DSP: variants seen among roughly 807,000 people sequenced by gnomAD.
DSP encodes the protein 250/210 kDa paraneoplastic pemphigus antigen.
In DSP, 114 loss-of-function variants were observed where a neutral mutation model predicts 290.6. The observed-to-expected ratio is 0.39, with a 90% CI of 0.34 to 0.46. The LOEUF (loss-of-function observed/expected upper bound fraction) is 0.46. Ranked by LOEUF, DSP falls within the 20% of genes least tolerant of loss-of-function variation. The probability of loss-of-function intolerance (pLI) is 0.99; values close to 1 mark genes in which losing one functional copy is unlikely to be tolerated. For synonymous variants in DSP, 1,311 were observed against 1,316.4 expected (o/e 1.00, Z 0.09); for missense variants, 3,230 against 3,495.8 (o/e 0.92, Z 1.92).
chr6:7,551,660 C>G (rs890895831), intron 1 of DSP, among the ~76,000 whole-genome samples: 2 of 151,946 alleles, frequency 1.3e-5, no homozygotes, highest in Admixed American at 1.3e-4. Context: ...TTTCCTGAAG[C>G]AAGCTCTCCT....
chr6:7,545,496 T>G (rs1758147179), intron 1 of DSP, among the ~76,000 whole-genome samples: 3 of 152,228 alleles, frequency 2.0e-5, no homozygotes, highest in Admixed American at 2.0e-4. Context: ...TGGACAGGCC[T>G]GTAATTACAC....
chr6:7,584,271 ACTGGGTATAATGATC>A lies in DSP; in HGVS notation c.7013_7027del (p.Gly2338_Pro2342del). The A allele has an allele frequency of 6.2e-7, 1 of 1,614,196 alleles. No individual in the cohort carries two copies. Among genetic ancestry groups the A allele is most frequent in the Non-Finnish European group, 8.5e-7 (1 of 1,180,034 alleles). ...GCTCCTGTCTGCAGAACGAGCTGTC[ACTGGGTATAATGATC>A]CTGAAACAGGAAACATCATCTCTTT... On this transcript the variant is annotated inframe_deletion, in exon 24 of 24. Transcript: ENST00000379802. The surrounding 1 kb of genome is among the most constrained non-coding windows in gnomAD (Gnocchi z 6.4).
At position 7,574,239 on chromosome 6, in the gene DSP, G is replaced by A; in HGVS notation, c.2284G>A (p.Gly762Ser). ...KLENINGVTD[G>S]YLNSLCTVRA... ...GGAAAATATCAATGGTGTTACAGAT[G>A]GCTACTTAAATAGGTAAACTCAGCT... Residue 762 changes from glycine to serine, a missense_variant, in exon 16 of 24, where the codon GGC becomes AGC. By Grantham distance (56) the Gly-to-Ser change is moderately conservative. This residue lies in a region of DSP where 1,714 missense variants were observed against 1,844.5 expected (regional missense o/e 0.93). Coordinates refer to ENST00000379802, the MANE Select transcript of DSP (RefSeq NM_004415.4). 1 of 1,613,688 alleles carries A rather than the reference G, an allele frequency of 6.2e-7. No individual in the cohort carries two copies. The highest frequency in any genetic ancestry group is 8.5e-7 in the Non-Finnish European group (1 of 1,179,890).
chr6:7,578,550 G>A lies in DSP; in HGVS notation c.3072G>A (p.Leu1024=). Residue 1024 remains leucine, a synonymous_variant, in exon 22 of 24, where the codon TTG becomes TTA. Coordinates refer to ENST00000379802, the MANE Select transcript of DSP (RefSeq NM_004415.4). ...TCTTAAGTGAGATGCTGAAGAGTTT[G>A]GAAGATCTGAAGGTAATTTATACTG... ...YRFLSEMLKS[L]EDLKLKNTKI... is the part of the protein sequence containing the mutation. 1 of 1,613,342 alleles carries A rather than the reference G, an allele frequency of 6.2e-7. No homozygotes were observed. The highest frequency in any genetic ancestry group is 8.5e-7 in the Non-Finnish European group (1 of 1,179,474).
rs397516952 is a variant in DSP at position 7,583,839 on chromosome 6, G to A, written c.6577G>A (p.Glu2193Lys). 2.5e-6 allele frequency: 4 copies of A among 1,614,022 alleles called. No individual in the cohort carries two copies. The highest frequency in any genetic ancestry group is 4.5e-5 in the East Asian group (2 of 44,876). The change falls in exon 24 of 24, where the codon GAA becomes AAA. Residue 2193 changes from glutamate (E) to lysine (K), a missense_variant. By Grantham distance (56) the Glu-to-Lys change is moderately conservative. Around this residue, in one of 5 missense-constraint regions of DSP, gnomAD observed 1,714 missense variants for 1,844.5 expected, o/e 0.93. Transcript: ENST00000379802. This position sits in a 1 kb window ranked among gnomAD's most constrained non-coding sequence, Gnocchi z 4.0. ...YVQLKERCRI[E>K]PHTGLLLLSV... is the part of the protein sequence containing the mutation. ...GCAGCTGAAGGAACGGTGCAGAATC[G>A]AACCACATACTGGTCTGCTCTTGCT...
rs1218514639 is a variant in DSP at position 7,580,235 on chromosome 6, A to C, written c.4045A>C (p.Ser1349Arg). Residue 1349 changes from serine to arginine, a missense_variant, in exon 23 of 24, where the codon AGT becomes CGT. Physicochemically the swap from Ser to Arg is moderately radical, Grantham distance 110. Coordinates refer to ENST00000379802, the MANE Select transcript of DSP (RefSeq NM_004415.4). This position sits in a 1 kb window ranked among gnomAD's most constrained non-coding sequence, Gnocchi z 4.2. ...KRRWEYENEL[S>R]KVRNNYDEEI... ...CCGCTGGGAATATGAAAATGAACTG[A>C]GTAAGGTAAGAAACAATTATGATGA... 1.2e-6 allele frequency: 2 copies of C among 1,614,092 alleles called. No homozygotes were observed. Among genetic ancestry groups the C allele is most frequent in the African/African-American group, 1.3e-5 (1 of 75,028 alleles).
At position 7,580,750 on chromosome 6, in the gene DSP, T is replaced by A; in HGVS notation, c.4560T>A (p.Ser1520Arg). 1.2e-6 allele frequency: 2 copies of A among 1,614,056 alleles called. No homozygotes were observed. Among genetic ancestry groups the A allele is most frequent in the Non-Finnish European group, 8.5e-7 (1 of 1,180,014 alleles). ...VQYDLQKANS[S>R]ATETINKLKV... ...ATGACCTGCAGAAAGCAAACAGTAG[T>A]GCGACGGAGACAATAAACAAACTGA... Residue 1520 changes from serine (S) to arginine (R), a missense_variant, in exon 23 of 24, where the codon AGT becomes AGA. Ser to Arg is a moderately radical substitution (Grantham distance 110, BLOSUM62 -1). Transcript: ENST00000379802. This position sits in a 1 kb window ranked among gnomAD's most constrained non-coding sequence, Gnocchi z 4.2.
intron 1 of DSP, 52 bp downstream of exon 1, chr6:7,542,137 G>A: frequency 6.5e-7 from 1 of 1,546,948 alleles, no homozygotes; most frequent in South Asian, 1.2e-5. Flanking sequence ...GACAGGGAGG[G>A]ACCGTCCTCC....
chr6:7,585,898 G>C lies in DSP; in HGVS notation c.*20G>C, dbSNP rs149966631. ...CACTAGTAGTCAGTTGGGAGTGGTT[G>C]CTATACCTTGACTTCATTTATATGA... On this transcript the variant is annotated 3_prime_UTR_variant, in exon 24 of 24. Transcript: ENST00000379802. 1.2e-6 allele frequency: 2 copies of C among 1,607,880 alleles called. No individual in the cohort carries two copies. The highest frequency in any genetic ancestry group is 1.3e-5 in the African/African-American group (1 of 74,954).
intron 1 of DSP, among the ~76,000 whole-genome samples, chr6:7,542,985 G>A (rs1467479425): frequency 6.6e-6 from 1 of 152,178 alleles, no homozygotes; most frequent in Non-Finnish European, 1.5e-5. Context: ...CCTGGCCTAG[G>A]CGCCCCGGGA....
intron 1 of DSP, among the ~76,000 whole-genome samples, chr6:7,553,380 G>A (rs575500518): frequency 6.6e-6 from 1 of 152,164 alleles, no homozygotes; most frequent in Non-Finnish European, 1.5e-5. Flanking sequence ...CTTGGGACTG[G>A]CATTCTTTGT....
intron 1 of DSP, among the ~76,000 whole-genome samples, chr6:7,547,732 T>C (rs1216751968): frequency 6.6e-6 from 1 of 152,096 alleles, no homozygotes; most frequent in Non-Finnish European, 1.5e-5. Context: ...CCAGTGCACC[T>C]GGCCTTTGAA....
intron 20 of DSP, 135 bp downstream of exon 20, chr6:7,577,177 AC>A: frequency 1.5e-6 from 1 of 679,924 alleles, no homozygotes; most frequent in Non-Finnish European, 2.4e-6. Context: ...TTCTGAACAA[AC>A]CATAAAAATT....
Position 7,583,988 on chromosome 6 carries a change from T to C in DSP, c.6726T>C (p.Ser2242=). 1 of 1,614,202 alleles carries C rather than the reference T, an allele frequency of 6.2e-7. No homozygotes were observed. Residue 2242 remains serine, a synonymous_variant, in exon 24 of 24, where the codon TCT becomes TCC. Transcript: ENST00000379802. This position sits in a 1 kb window ranked among gnomAD's most constrained non-coding sequence, Gnocchi z 4.0. ...ATGAACTGGAATCTGGTCAGATTTCTTATGACGAGGTTGGTGAGAGAATTA... is the reference window on the plus strand; with the variant it reads ...ATGAACTGGAATCTGGTCAGATTTCCTATGACGAGGTTGGTGAGAGAATTA... ...TVNELESGQI[S]YDEVGERIKD... is the part of the protein sequence containing the mutation.
intron 17 of DSP, 99 bp downstream of exon 17, chr6:7,574,894 G>T: frequency 6.4e-7 from 1 of 1,558,274 alleles, no homozygotes. Flanking sequence ...GAGTTTTGAG[G>T]ATTATTGGGT....
In DSP at chr6:7,575,406, G is replaced by A. The variant is rs1554107626; in HGVS notation, c.2548G>A (p.Asp850Asn). The change falls in exon 18 of 24, where the codon GAT becomes AAT. Residue 850 changes from aspartate to asparagine, a missense_variant. Coordinates refer to ENST00000379802, the MANE Select transcript of DSP (RefSeq NM_004415.4). ...GACTTCACAGCAGTATCCACTTTAT[G>A]ATCTGGACTTGGGCAAGTTCGGTGA... ...SQTSQQYPLY[D>N]LDLGKFGEKV... 3 of 1,614,008 alleles carry A rather than the reference G, an allele frequency of 1.9e-6. No individual in the cohort carries two copies. The highest frequency in any genetic ancestry group is 2.7e-5 in the African/African-American group (2 of 75,006).
Position 7,543,950 on chromosome 6 carries a change from G to A in DSP, c.170+1865G>A, listed in dbSNP as rs183387716. Among the ~76,000 whole-genome samples the A allele has an allele frequency of 2.4e-4, 36 of 152,186 alleles. No individual in the cohort carries two copies. In the East Asian group the frequency reaches 6.4e-3, roughly 27 times the overall value. On this transcript the variant is annotated intron_variant, in intron 1 of 23. Transcript: ENST00000379802. ...TGGGCAGGCTCCATGTTTTTTCCTT[G>A]TGTAGTATCATCCCGTGCTCTGTTT... is the stretch of plus-strand genomic sequence containing the variant.
At position 7,580,752 on chromosome 6, in the gene DSP, C is replaced by T. The variant is rs559603378; in HGVS notation, c.4562C>T (p.Ala1521Val). 3 of 1,614,012 alleles carry T rather than the reference C, an allele frequency of 1.9e-6. No individual in the cohort carries two copies. The highest frequency in any genetic ancestry group is 2.5e-6 in the Non-Finnish European group (3 of 1,180,014). ...QYDLQKANSS[A>V]TETINKLKVQ... ...GACCTGCAGAAAGCAAACAGTAGTGCGACGGAGACAATAAACAAACTGAAG... is the reference window on the plus strand; with the variant it reads ...GACCTGCAGAAAGCAAACAGTAGTGTGACGGAGACAATAAACAAACTGAAG... The change falls in exon 23 of 24, where the codon GCG (alanine) becomes GTG (valine). Residue 1521 changes from alanine to valine, a missense_variant. Ala to Val is a moderately conservative substitution (Grantham distance 64, BLOSUM62 0). This residue lies in a region of DSP where 1,714 missense variants were observed against 1,844.5 expected (regional missense o/e 0.93). Transcript: ENST00000379802. This position sits in a 1 kb window ranked among gnomAD's most constrained non-coding sequence, Gnocchi z 4.2.
At chr6:7,570,636 G>A (rs1759017482) in intron 13 of DSP, 73 bp downstream of exon 13, 2 of 1,600,716 alleles carry the variant, frequency 1.2e-6, no homozygotes, top group Admixed American at 1.7e-5. Context: ...GTGTCCAACA[G>A]TTCAACCTTC....
Sources: allele counts gnomAD v4.1 joint callset (sites outside exome capture counted in the v4.1 genomes callset), GRCh38; gene constraint gnomAD v4.1.1; regional missense constraint gnomAD v4.1.1; non-coding constraint Gnocchi (gnomAD v3.1); transcripts MANE v1.5; gene names NCBI Gene and HGNC (gene_info 2026-07-23, HGNC 2026-07-21).